Variants in SPDYE14 observed in about 807,000 individuals in gnomAD.
SPDYE14 encodes speedy/RINGO cell cycle regulator family member E14, also known as speedy protein E14.
the SPDYE14 span, among the ~76,000 whole-genome samples, chr7:75,257,283 T>C: frequency 2.6e-5 from 3 of 114,772 alleles, no homozygotes; most frequent in African/African-American, 1.0e-4. Flanking sequence ...AATGAATGAA[T>C]GAATGAATGA....
chr7:75,254,761 T>C, the SPDYE14 span, among the ~76,000 whole-genome samples: 4 of 2,156 alleles, frequency 1.9e-3, no homozygotes, highest in Non-Finnish European at 2.5e-3. Flanking sequence ...CCTCCCCTTC[T>C]CCTCTCCTTC....
chr7:75,279,724 G>A, the SPDYE14 span, among the ~76,000 whole-genome samples: 29 of 56,058 alleles, frequency 5.2e-4, 8 homozygotes, highest in Admixed American at 1.1e-3. Context: ...TTACAGGCAT[G>A]AGCCATGGCA....
At chr7:75,300,575 C>T in the SPDYE14 span, among the ~76,000 whole-genome samples, 1 of 11,574 alleles carries the variant, frequency 8.6e-5, no homozygotes, top group African/African-American at 1.7e-4. Flanking sequence ...GCTGTCTTAG[C>T]AAAGACCCTC....
the SPDYE14 span, among the ~76,000 whole-genome samples, chr7:75,251,750 T>G: frequency 6.0e-5 from 1 of 16,762 alleles, no homozygotes; most frequent in African/African-American, 1.3e-4. Flanking sequence ...CAAGGGGGGG[T>G]GGATCACTTG....
At chr7:75,265,082 C>G in the SPDYE14 span, among the ~76,000 whole-genome samples, 2 of 33,560 alleles carry the variant, frequency 6.0e-5, no homozygotes, top group African/African-American at 1.7e-4. Context: ...TTCCTCTCCC[C>G]CTTCCCCTCC....
the SPDYE14 span, among the ~76,000 whole-genome samples, chr7:75,272,773 T>C: frequency 1.8e-5 from 1 of 55,462 alleles, no homozygotes; most frequent in African/African-American, 4.3e-5. Flanking sequence ...GTAATCCCAG[T>C]TACTCGGGAG....
chr7:75,303,520 C>T, the SPDYE14 span, among the ~76,000 whole-genome samples: 1 of 22,912 alleles, frequency 4.4e-5, no homozygotes, highest in Non-Finnish European at 7.7e-5. Flanking sequence ...ATTAGCCAGG[C>T]GTGGTGGCAT....
the SPDYE14 span, among the ~76,000 whole-genome samples, chr7:75,247,460 G>C: frequency 3.5e-5 from 3 of 85,554 alleles, no homozygotes; most frequent in African/African-American, 1.0e-4. Context: ...AAGAAAGAAA[G>C]AAAAAGAGAA....
chr7:75,237,630 AGCCGAGGGGCCGAGCGGCGGAGCAGCG>A, the SPDYE14 span: 2 of 55,986 alleles, frequency 3.6e-5, no homozygotes, highest in African/African-American at 8.7e-5. Context: ...GCGGAGCAGC[AGCCGAGGGGCCGAGCGGCGGAGCAGCG>A]GCGCGCGGCG....
the SPDYE14 span, among the ~76,000 whole-genome samples, chr7:75,251,510 CTGTGTG>C: frequency 9.0e-5 from 5 of 55,508 alleles, no homozygotes; most frequent in African/African-American, 3.6e-4. Context: ...CTAATTTTGT[CTGTGTG>C]TGTGTGTGTG....
the SPDYE14 span, among the ~76,000 whole-genome samples, chr7:75,279,809 C>A: frequency 7.7e-5 from 4 of 51,650 alleles, 2 homozygotes; most frequent in Non-Finnish European, 1.8e-4. Flanking sequence ...CTCTTAAACT[C>A]CTGACCTCAA....
chr7:75,257,302 A>C, the SPDYE14 span, among the ~76,000 whole-genome samples: 2 of 112,466 alleles, frequency 1.8e-5, 1 homozygote, highest in Non-Finnish European at 3.9e-5. Context: ...GAATGAATGC[A>C]TGGACAAAGC....
the SPDYE14 span, among the ~76,000 whole-genome samples, chr7:75,250,186 G>GT: frequency 1.6e-5 from 1 of 63,902 alleles, no homozygotes; most frequent in East Asian, 6.0e-4. Flanking sequence ...GAGGCCAGGA[G>GT]TTTGAGACAA....
At chr7:75,249,906 G>A in the SPDYE14 span, among the ~76,000 whole-genome samples, 4 of 122,064 alleles carry the variant, frequency 3.3e-5, no homozygotes, top group South Asian at 8.2e-4. Flanking sequence ...CTGACCTTAA[G>A]TGATCCACCC....
chr7:75,241,335 C>A, the SPDYE14 span, among the ~76,000 whole-genome samples: 1 of 122 alleles, frequency 8.2e-3, no homozygotes, highest in African/African-American at 0.013. Context: ...ATCCACCTGC[C>A]TCGGCCTCCC....
the SPDYE14 span, among the ~76,000 whole-genome samples, chr7:75,247,677 C>T: frequency 3.9e-5 from 1 of 25,724 alleles, no homozygotes; most frequent in Non-Finnish European, 1.3e-4. Context: ...ACCTCTGCCT[C>T]AAGCAATTCT....
At chr7:75,262,345 A>C in the SPDYE14 span, among the ~76,000 whole-genome samples, 1 of 75,366 alleles carries the variant, frequency 1.3e-5, no homozygotes, top group Non-Finnish European at 3.2e-5. Context: ...GAAACTCCAT[A>C]AACCAACACA....
At chr7:75,273,948 TCTC>T in the SPDYE14 span, among the ~76,000 whole-genome samples, 1 of 12,464 alleles carries the variant, frequency 8.0e-5, no homozygotes, top group Non-Finnish European at 2.6e-4. Context: ...TTCAAATGAT[TCTC>T]CTGACTCAGC....
chr7:75,247,243 C>T, the SPDYE14 span, among the ~76,000 whole-genome samples: 3 of 26,878 alleles, frequency 1.1e-4, 1 homozygote, highest in African/African-American at 2.4e-4. Context: ...CTTGGGAGGC[C>T]GAGGCAGGAG....
Sources: gnomAD v4.1 joint callset for allele counts (sites outside exome capture counted in the v4.1 genomes callset) on GRCh38, gnomAD v4.1.1 for gene constraint, MANE v1.5 for transcripts, NCBI Gene and HGNC (gene_info 2026-07-23, HGNC 2026-07-21) for gene names.